The following TNS2 variants were observed in gnomAD, a reference collection of about 807,000 sequenced individuals.
TNS2 encodes tensin-2.
TNS2 carries 77 observed loss-of-function variants against 155.7 expected under a neutral mutation model. The ratio of observed to expected loss-of-function variants is 0.49; its 90% CI spans 0.41 to 0.60. The LOEUF (loss-of-function observed/expected upper bound fraction) is 0.60, where lower values mean the gene tolerates loss of function less well. Among genes scored for constraint, TNS2 ranks in the 20% least tolerant of loss-of-function variants. The pLI, the probability that TNS2 is intolerant of heterozygous loss-of-function variation, is 0.00. For synonymous variants in TNS2, 726 were observed against 763.9 expected, an observed-to-expected ratio of 0.95 and a Z score of 0.82; for missense variants, 1,703 against 1,868.8, an observed-to-expected ratio of 0.91 and a Z score of 1.64.
At position 53,060,234 on chromosome 12, in the gene TNS2, TCAG is replaced by T; in HGVS notation, c.2597_2599del (p.Ala866del). ...GTACCCATTGCCTGGGCACCTGGCC[TCAG>T]CAGGACCTTTGGCATCTGCAGGTGA... On this transcript the variant is annotated inframe_deletion, in exon 18 of 29. Transcript: ENST00000314250. This position sits in a 1 kb window ranked among gnomAD's most constrained non-coding sequence, Gnocchi z 6.1. The T allele has an allele frequency of 6.5e-7, 1 of 1,547,958 alleles. No individual in the cohort carries two copies. Among genetic ancestry groups the T allele is most frequent in the Non-Finnish European group, 8.7e-7 (1 of 1,146,214 alleles).
At chr12:53,052,358 A>T (rs1015631158) in intron 2 of TNS2, 97 bp from the exon 3 acceptor site, 55 of 1,505,062 alleles carry the variant, frequency 3.7e-5, no homozygotes, top group Non-Finnish European at 4.9e-5. Flanking sequence ...TGGAAGTCCC[A>T]GGGTCTGGTT....
rs891149902 is a variant in TNS2 at position 53,050,919 on chromosome 12, A to G, written c.75+659A>G. Among the ~76,000 whole-genome samples the G allele has an allele frequency of 5.9e-5, 9 of 152,220 alleles. No homozygotes were observed. The highest frequency in any genetic ancestry group is 3.4e-3 in the Middle Eastern group (1 of 294). ...GATACTACTGTGATGGGTCCCCGGG[A>G]GGAGGACAGCAGGAGTCTGAACTCC... On this transcript the variant is annotated intron_variant, in intron 1 of 28. Transcript: ENST00000314250. This position sits in a 1 kb window ranked among gnomAD's most constrained non-coding sequence, Gnocchi z 4.7.
chr12:53,062,527 C>T, intron 24 of TNS2, 74 bp downstream of exon 24: 1 of 1,607,494 alleles, frequency 6.2e-7, no homozygotes, highest in Non-Finnish European at 8.5e-7. Context: ...GAGGTCTTGG[C>T]TCCCCGCCTT....
chr12:53,049,040 T>C (rs1465675601), upstream of TNS2: 7 of 825,570 alleles, frequency 8.5e-6, no homozygotes, highest in East Asian at 1.6e-4. Context: ...ACCCCTTAGC[T>C]TTTAGGAAGA....
chr12:53,063,162 C>T lies in TNS2; in HGVS notation c.3897C>T (p.Ser1299=), dbSNP rs1377112937. 1.2e-6 allele frequency: 2 copies of T among 1,610,698 alleles called. No individual in the cohort carries two copies. Among genetic ancestry groups the T allele is most frequent in the Admixed American group, 1.7e-5 (1 of 59,674 alleles). The stretch of plus-strand genomic sequence containing the variant: ...GCCCCCAAGCTGTGGCCCGGGCCAG[C>T]TCTGCAGCTCTGAGCTGTAGCCCCC... ...LTGPQAVARA[S]SAALSCSPRP... Residue 1299 remains serine, a synonymous_variant, in exon 26 of 29, where the codon AGC becomes AGT. Coordinates refer to ENST00000314250, the MANE Select transcript of TNS2 (RefSeq NM_170754.4). The surrounding 1 kb of genome is among the most constrained non-coding windows in gnomAD (Gnocchi z 5.6).
In TNS2 at chr12:53,050,645, G is replaced by C. The variant is rs1027458905; in HGVS notation, c.75+385G>C. Among the ~76,000 whole-genome samples the C allele has an allele frequency of 1.2e-4, 19 of 152,084 alleles. No homozygotes were observed. Among genetic ancestry groups the C allele is most frequent in the African/African-American group, 4.3e-4 (18 of 41,404 alleles). The stretch of plus-strand genomic sequence containing the variant: ...AAGTTTGAGGGAAATGGGGTGGCAG[G>C]GTGGAAAAAGAGAGAGGAGAGGGAG... On this transcript the variant is annotated intron_variant, in intron 1 of 28. Transcript: ENST00000314250. This position sits in a 1 kb window ranked among gnomAD's most constrained non-coding sequence, Gnocchi z 4.7.
intron 21 of TNS2, 159 bp downstream of exon 21, chr12:53,061,628 A>G (rs190242875): frequency 1.5e-6 from 2 of 1,340,356 alleles, no homozygotes; most frequent in African/African-American, 2.9e-5. Context: ...GCTTTGGGCC[A>G]AGGCGGTGAG....
Position 53,059,793 on chromosome 12 carries a change from G to A in TNS2, c.2152G>A (p.Ala718Thr), listed in dbSNP as rs768894890. 3 of 1,612,342 alleles carry A rather than the reference G, an allele frequency of 1.9e-6. No individual in the cohort carries two copies. The change falls in exon 18 of 29, where the codon GCA (alanine) becomes ACA (threonine). Residue 718 changes from alanine (A) to threonine (T), a missense_variant. Ala to Thr is a moderately conservative substitution (Grantham distance 58). Coordinates refer to ENST00000314250, the MANE Select transcript of TNS2 (RefSeq NM_170754.4). This position sits in a 1 kb window ranked among gnomAD's most constrained non-coding sequence, Gnocchi z 4.7. ...RLEREAGEGWASEAGKPLLHP... is the reference protein window; with the variant it reads ...RLEREAGEGWTSEAGKPLLHP... Reference sequence around the variant, plus strand: ...GGAGAGGGAGGCTGGAGAAGGGTGGGCAAGTGAGGCTGGCAAGCCTCTCCT... The same window carrying A: ...GGAGAGGGAGGCTGGAGAAGGGTGGACAAGTGAGGCTGGCAAGCCTCTCCT...
rs1195506139 is a variant in TNS2, at chr12:53,061,385, C to T, written c.3364C>T (p.Pro1122Ser). ...CTACTCCCTCCCTGTCCTAGAGCCTCCTACACAAGAGAGCCAAAGCAATGT... is the reference window on the plus strand; with the variant it reads ...CTACTCCCTCCCTGTCCTAGAGCCTTCTACACAAGAGAGCCAAAGCAATGT... ...SDNVPQTPEP[P>S]TQESQSNVKF... Residue 1122 changes from proline to serine, a missense_variant, in exon 21 of 29, where the codon CCT becomes TCT. Physicochemically the swap from Pro to Ser is moderately conservative, Grantham distance 74. Coordinates refer to ENST00000314250, the MANE Select transcript of TNS2 (RefSeq NM_170754.4). 6.2e-7 allele frequency: 1 copy of T among 1,614,062 alleles called. No individual in the cohort carries two copies. Among genetic ancestry groups the T allele is most frequent in the Non-Finnish European group, 8.5e-7 (1 of 1,179,998 alleles).
upstream of TNS2, chr12:53,050,021 C>T: frequency 4.8e-6 from 7 of 1,450,166 alleles, no homozygotes; most frequent in Non-Finnish European, 6.3e-6. This position sits in a 1 kb window ranked among gnomAD's most constrained non-coding sequence, Gnocchi z 4.7. Flanking sequence ...TTCCCGCCTG[C>T]ACTTCCCTCC....
At chr12:53,061,765 C>A in intron 21 of TNS2, 50 bp from the exon 22 acceptor site, 1 of 1,582,638 alleles carries the variant, frequency 6.3e-7, no homozygotes, top group South Asian at 1.2e-5. Flanking sequence ...GGGGCTCAGT[C>A]CACCCCTGTG....
rs964531831 is a variant in TNS2 at position 53,050,284 on chromosome 12, A to G, written c.75+24A>G. 55 of 1,588,328 alleles carry G rather than the reference A, an allele frequency of 3.5e-5. No individual in the cohort carries two copies. Among genetic ancestry groups the G allele is most frequent in the Non-Finnish European group, 4.0e-5 (47 of 1,167,382 alleles). Reference sequence around the variant, plus strand: ...GGGTAGGAGTGCCCACCAGCTGGGCAAAAGAGGGGCAGGGGTGGAGGTGCG... The same window carrying G: ...GGGTAGGAGTGCCCACCAGCTGGGCGAAAGAGGGGCAGGGGTGGAGGTGCG... On this transcript the variant is annotated intron_variant, in intron 1 of 28. Coordinates refer to ENST00000314250, the MANE Select transcript of TNS2 (RefSeq NM_170754.4). This position sits in a 1 kb window ranked among gnomAD's most constrained non-coding sequence, Gnocchi z 4.7.
rs375907490 is a variant in TNS2, at chr12:53,055,766, C to T, written c.697-15C>T. On this transcript the variant is annotated splice_polypyrimidine_tract_variant and intron_variant, in intron 9 of 28. Coordinates refer to ENST00000314250, the MANE Select transcript of TNS2 (RefSeq NM_170754.4). ...GGAGCTCCCAGACCCTCATCCCTGT[C>T]TCTCTGTCTGTCAGGGAAACAAGGG... 6.2e-6 allele frequency: 10 copies of T among 1,614,126 alleles called. No homozygotes were observed. The highest frequency in any genetic ancestry group is 1.1e-5 in the South Asian group (1 of 91,084).
rs754781533 is a variant in TNS2 at position 53,063,868 on chromosome 12, G to C, written c.4216G>C (p.Gly1406Arg). 10 of 1,614,026 alleles carry C rather than the reference G, an allele frequency of 6.2e-6. No homozygotes were observed. The South Asian group carries it at 1.1e-4, about 18-fold the overall frequency. The change falls in exon 29 of 29, where the codon GGC (glycine) becomes CGC (arginine). Residue 1406 changes from glycine (G) to arginine (R), a missense_variant. Gly to Arg is a moderately radical substitution (Grantham distance 125). Coordinates refer to ENST00000314250, the MANE Select transcript of TNS2 (RefSeq NM_170754.4). The surrounding 1 kb of genome is among the most constrained non-coding windows in gnomAD (Gnocchi z 5.6). ...IVTFITKVLL[G>R]QRK ...CACCTTCATCACCAAAGTTCTACTGGGCCAGAGAAAATGAAGGAAGGCCAC... is the reference window on the plus strand; with the variant it reads ...CACCTTCATCACCAAAGTTCTACTGCGCCAGAGAAAATGAAGGAAGGCCAC...
chr12:53,058,130 A>G (rs779466608), intron 14 of TNS2, 28 bp downstream of exon 14: 3 of 1,614,044 alleles, frequency 1.9e-6, no homozygotes, highest in Non-Finnish European at 2.5e-6. Context: ...AACAAGAAGA[A>G]TCCTGGAGAT....
chr12:53,059,644 A>C lies in TNS2; in HGVS notation c.2003A>C (p.Tyr668Ser), dbSNP rs142256563. 4 of 1,613,230 alleles carry C rather than the reference A, an allele frequency of 2.5e-6. No homozygotes were observed. In the South Asian group the frequency reaches 4.4e-5, roughly 18 times the overall value. Residue 668 changes from tyrosine to serine, a missense_variant, in exon 18 of 29, where the codon TAC (tyrosine) becomes TCC (serine). Coordinates refer to ENST00000314250, the MANE Select transcript of TNS2 (RefSeq NM_170754.4). This position sits in a 1 kb window ranked among gnomAD's most constrained non-coding sequence, Gnocchi z 4.7. ...MGKPATGDFG[Y>S]RAPGYREVVI... The stretch of plus-strand genomic sequence containing the variant: ...AAACCAGCCACTGGGGACTTTGGCT[A>C]CCGCGCCCCAGGCTACCGGGAGGTG...
intron 1 of TNS2, among the ~76,000 whole-genome samples, chr12:53,051,610 C>G (rs1443656460): frequency 1.3e-5 from 2 of 152,196 alleles, no homozygotes; most frequent in African/African-American, 4.8e-5. Context: ...GTGAGGGGCC[C>G]AAGTGATCCC....
chr12:53,059,159 GCTCT>G lies in TNS2; in HGVS notation c.1521_1524del (p.Val509AlafsTer10). On this transcript the variant is annotated frameshift_variant, in exon 18 of 29. Transcript: ENST00000314250. LOFTEE classifies it high-confidence loss of function. This position sits in a 1 kb window ranked among gnomAD's most constrained non-coding sequence, Gnocchi z 4.7. ...CTCCAGAGCCTCCACCACCCCCCAT[GCTCT>G]CTGTCAGCAGCGACTCAGGCCATTC... The G allele has an allele frequency of 2.5e-6, 4 of 1,599,746 alleles. No homozygotes were observed. Among genetic ancestry groups the G allele is most frequent in the South Asian group, 1.1e-5 (1 of 90,306 alleles).
rs774823907 is a variant in TNS2, at chr12:53,055,206, A to G, written c.543A>G (p.Lys181=). ...DKYLLFNLSE[K]RHDLTRLNPK... The stretch of plus-strand genomic sequence containing the variant: ...TTCAGCTCTTCAACCTTTCAGAGAA[A>G]AGGCATGACCTGACCCGCTTAAACC... Residue 181 remains lysine (K), a synonymous_variant, in exon 8 of 29, where the codon AAA becomes AAG. Transcript: ENST00000314250. 1 of 1,614,018 alleles carries G rather than the reference A, an allele frequency of 6.2e-7. No homozygotes were observed. The highest frequency in any genetic ancestry group is 1.1e-5 in the South Asian group (1 of 91,072).
Sources: allele counts gnomAD v4.1 joint callset (sites outside exome capture counted in the v4.1 genomes callset), GRCh38; gene constraint gnomAD v4.1.1; non-coding constraint Gnocchi (gnomAD v3.1); transcripts MANE v1.5; gene names NCBI Gene and HGNC (gene_info 2026-07-23, HGNC 2026-07-21).